The following VSTM1 variants were observed in gnomAD, a reference collection of about 807,000 sequenced individuals.
The protein encoded by VSTM1 is V-set and transmembrane domain-containing protein 1.
In VSTM1, 27 loss-of-function variants were observed where a neutral mutation model predicts 33.1. The ratio of observed to expected loss-of-function variants is 0.82; its 90% CI spans 0.60 to 1.12. VSTM1 has a LOEUF of 1.12. VSTM1 is among the 50% of genes most tolerant of loss of function. The probability of loss-of-function intolerance (pLI) is 0.00; values close to 1 mark genes in which losing one functional copy is unlikely to be tolerated. For synonymous variants in VSTM1, 115 were observed against 110.3 expected, an observed-to-expected ratio of 1.04 and a Z score of -0.27; for missense variants, 304 against 288.9, an observed-to-expected ratio of 1.05 and a Z score of -0.38.
Position 54,042,298 on chromosome 19 carries a change from T to C in VSTM1, c.466A>G (p.Ile156Val). Reference protein sequence around the residue: ...ILLLFLSVFIIYRCSQHSSSS... With the variant: ...ILLLFLSVFIVYRCSQHSSSS... ...TCACTGTGCTGGCTGCATCTGTAGA[T>C]GATGAAGACTGAGAGGAAGAGGAGA... Residue 156 changes from isoleucine (I) to valine (V), a missense_variant, in exon 5 of 9, where the codon ATC (isoleucine) becomes GTC (valine). Physicochemically the swap from Ile to Val is conservative, Grantham distance 29 (BLOSUM62 3). Transcript: ENST00000338372. 1.9e-6 allele frequency: 3 copies of C among 1,613,670 alleles called. No individual in the cohort carries two copies. Among genetic ancestry groups the C allele is most frequent in the Admixed American group, 1.7e-5 (1 of 59,936 alleles).
intron 3 of VSTM1, among the ~76,000 whole-genome samples, chr19:54,054,956 G>C (rs1242418281): frequency 1.4e-5 from 2 of 138,154 alleles, no homozygotes; most frequent in Non-Finnish European, 3.2e-5. Context: ...TGGGTTGGTA[G>C]GTGGGTAGAT....
chr19:54,056,214 C>CTTTTCTTTT (rs2071087721), intron 3 of VSTM1, among the ~76,000 whole-genome samples: 4 of 39,180 alleles, frequency 1.0e-4, no homozygotes, highest in African/African-American at 3.9e-4. Flanking sequence ...CTTTTCTTTT[C>CTTTTCTTTT]TTTTTTTTTT....
Position 54,042,132 on chromosome 19 carries a change from G to A in VSTM1, c.515+37C>T, listed in dbSNP as rs765070264. On this transcript the variant is annotated intron_variant, in intron 6 of 8. Transcript: ENST00000338372. ...CAATGGGTTCCCTTGAGAATGACAT[G>A]GGAATAAGTGGAGCATGAGCTATGC... The A allele has an allele frequency of 2.7e-5, 43 of 1,581,572 alleles. No individual in the cohort carries two copies. The Admixed American group carries it at 3.3e-4, about 12-fold the overall frequency.
In VSTM1 at chr19:54,046,594, G is replaced by C. The variant is rs780344919; in HGVS notation, c.395-4225C>G. ...ATTCTGTCAATGTTCCTCAACCCATGTTCCCCAGATCCCTTTCCCATTTTT... is the reference window on the plus strand; with the variant it reads ...ATTCTGTCAATGTTCCTCAACCCATCTTCCCCAGATCCCTTTCCCATTTTT... On this transcript the variant is annotated intron_variant, in intron 4 of 8. Transcript: ENST00000338372. Among the ~76,000 whole-genome samples, 118 of 151,818 alleles carry C rather than the reference G, an allele frequency of 7.8e-4. 1 individual carries two copies. Among genetic ancestry groups the C allele is most frequent in the Non-Finnish European group, 1.2e-3 (84 of 67,988 alleles).
At position 54,042,272 on chromosome 19, in the gene VSTM1, C is replaced by T. The variant is rs1374979248; in HGVS notation, c.487+5G>A. On this transcript the variant is annotated splice_donor_5th_base_variant and intron_variant, in intron 5 of 8. Transcript: ENST00000338372. The stretch of plus-strand genomic sequence containing the variant: ...CCTCTCTCCCTTTGCGTTCTCTGAG[C>T]TCACTGTGCTGGCTGCATCTGTAGA... 1.2e-6 allele frequency: 2 copies of T among 1,613,766 alleles called. No individual in the cohort carries two copies. The highest frequency in any genetic ancestry group is 1.7e-4 in the Middle Eastern group (1 of 6,060).
Position 54,058,474 on chromosome 19 carries a change from C to T in VSTM1, c.187G>A (p.Val63Met), listed in dbSNP as rs780024501. Residue 63 changes from valine to methionine, a missense_variant, in exon 3 of 9, where the codon GTG (valine) becomes ATG (methionine). Transcript: ENST00000338372. ...SQNVTFVLRK[V>M]NDSGYKQEQS... The stretch of plus-strand genomic sequence containing the variant: ...TCCTGCTTGTACCCAGAGTCGTTCA[C>T]CTTGCGCAGCACAAATGTCACATTC... 5 of 1,613,964 alleles carry T rather than the reference C, an allele frequency of 3.1e-6. No individual in the cohort carries two copies. In the Admixed American group the frequency reaches 6.7e-5, roughly 22 times the overall value.
intron 4 of VSTM1, among the ~76,000 whole-genome samples, chr19:54,042,756 GTGTA>G (rs72449859): frequency 0.044 from 6,127 of 138,094 alleles, 437 homozygotes; most frequent in African/African-American, 0.16. Context: ...GTGTGTGTGT[GTGTA>G]TATATATATA....
Position 54,040,860 on chromosome 19 carries a change from A to G in VSTM1, c.*101T>C. ...AGACGAGAAACTTAATTTTATTGAT[A>G]TGGACGAAGAGCAAGGAAACACAGT... On this transcript the variant is annotated 3_prime_UTR_variant, in exon 9 of 9. Transcript: ENST00000338372. 6.9e-7 allele frequency: 1 copy of G among 1,451,326 alleles called. No individual in the cohort carries two copies. Among genetic ancestry groups the G allele is most frequent in the East Asian group, 2.5e-5 (1 of 39,626 alleles). 89.9% of individuals were successfully genotyped at this position (1,451,326 alleles called of 1,614,324 possible).
chr19:54,042,092 C>G, intron 6 of VSTM1, 77 bp downstream of exon 6: 1 of 1,609,690 alleles, frequency 6.2e-7, no homozygotes, highest in Non-Finnish European at 8.5e-7. Flanking sequence ...CTCAGGGTGC[C>G]AATCCCGGAT....
intron 8 of VSTM1, 108 bp from the exon 9 acceptor site, chr19:54,041,188 C>G (rs1464186382): frequency 3.3e-5 from 41 of 1,237,192 alleles, no homozygotes; most frequent in Admixed American, 3.6e-5. Flanking sequence ...TAATTTAAAA[C>G]CCAGGTCCTC....
chr19:54,053,889 A>C (rs1436598328), intron 3 of VSTM1, among the ~76,000 whole-genome samples: 1 of 142,180 alleles, frequency 7.0e-6, no homozygotes, highest in African/African-American at 2.6e-5. Flanking sequence ...TCTTCCAAAG[A>C]AGAATGTGAG....
chr19:54,048,900 A>ACC (rs1433645893), intron 4 of VSTM1, among the ~76,000 whole-genome samples: 12 of 152,150 alleles, frequency 7.9e-5, no homozygotes, highest in Admixed American at 1.3e-4. Flanking sequence ...CCTAGCCAAC[A>ACC]TGGTGAAACC....
Position 54,051,528 on chromosome 19 carries a change from T to C in VSTM1, c.356-80A>G, listed in dbSNP as rs551093023. 1.6e-5 allele frequency: 18 copies of C among 1,109,688 alleles called. No individual in the cohort carries two copies. The African/African-American group carries it at 2.3e-4, about 14-fold the overall frequency. The allele number at this position is 1,109,688 out of a possible 1,614,324, so 68.7% of individuals were successfully genotyped here. On this transcript the variant is annotated intron_variant, in intron 3 of 8. Coordinates refer to ENST00000338372, the MANE Select transcript of VSTM1 (RefSeq NM_198481.4). ...GACAGGAGTCCTCACGTCCTACTTA[T>C]AGACATCCTGTTCTTCTTTGGGAAG...
At position 54,056,214 on chromosome 19, in the gene VSTM1, C is replaced by CTTTTCTTTTT. The variant is rs2071087721; in HGVS notation, c.355+2091_355+2092insAAAAAGAAAA. On this transcript the variant is annotated intron_variant, in intron 3 of 8. Transcript: ENST00000338372. ...TTCTTTCTTTCTTTTCTTTTCTTTT[C>CTTTTCTTTTT]TTTTTTTTTTTTTTTTTTTTTTTTT... Among the ~76,000 whole-genome samples, 9 of 39,176 alleles carry CTTTTCTTTTT rather than the reference C, an allele frequency of 2.3e-4. 1 individual carries two copies. Among genetic ancestry groups the CTTTTCTTTTT allele is most frequent in the African/African-American group, 8.7e-4 (9 of 10,288 alleles). The allele number at this position is 39,176 out of a possible 152,430, so 25.7% of individuals were successfully genotyped here. A position where few individuals can be genotyped will look rare whatever the true frequency, so the allele number is the denominator to read the frequency against.
chr19:54,058,279 A>C (rs768899483), intron 3 of VSTM1, 27 bp downstream of exon 3: 2 of 1,604,772 alleles, frequency 1.2e-6, no homozygotes, highest in South Asian at 2.2e-5. Context: ...AAATGTGTGC[A>C]TCAAAGAGTA....
chr19:54,052,953 G>T (rs1402770162), intron 3 of VSTM1: 1 of 124,622 alleles, frequency 8.0e-6, no homozygotes, highest in Non-Finnish European at 1.5e-5. Context: ...CTGCACTCCA[G>T]CCTGGGCAAC....
At chr19:54,059,959 T>G (rs2071311790) in intron 1 of VSTM1, among the ~76,000 whole-genome samples, 1 of 151,572 alleles carries the variant, frequency 6.6e-6, no homozygotes. Context: ...GCCATTCTCC[T>G]GCCTCGGCCT....
In VSTM1 at chr19:54,053,711, AC is replaced by A. The variant is rs1484370317; in HGVS notation, c.356-2264del. Among the ~76,000 whole-genome samples, 7 of 141,650 alleles carry A rather than the reference AC, an allele frequency of 4.9e-5. 1 individual carries two copies. Among genetic ancestry groups the A allele is most frequent in the African/African-American group, 1.8e-4 (7 of 38,316 alleles). The allele number at this position is 141,650 out of a possible 152,430, so 92.9% of individuals were successfully genotyped here. ...GAGGACTCAGCTAAGCTGTGCCTGG[AC>A]TCCTGACCCACATCAACTGTGAGAT... On this transcript the variant is annotated intron_variant, in intron 3 of 8. Transcript: ENST00000338372.
chr19:54,058,177 T>G, intron 3 of VSTM1, 129 bp downstream of exon 3: 1 of 1,000,734 alleles, frequency 1.0e-6, no homozygotes, highest in Non-Finnish European at 1.4e-6. Context: ...GAGGCAGAAG[T>G]TGCAGTGAGC....
Sources: allele counts gnomAD v4.1 joint callset (sites outside exome capture counted in the v4.1 genomes callset), GRCh38; gene constraint gnomAD v4.1.1; transcripts MANE v1.5; gene names NCBI Gene and HGNC (gene_info 2026-07-23, HGNC 2026-07-21).